The following AIM2 variants were observed in gnomAD, a reference collection of about 807,000 sequenced individuals.
AIM2 encodes the protein interferon-inducible protein AIM2.
A neutral mutation model predicts 27.7 loss-of-function variants in AIM2; 30 were observed. The ratio of observed to expected loss-of-function variants is 1.08; its 90% CI spans 0.81 to 1.47. The LOEUF (loss-of-function observed/expected upper bound fraction) is 1.47. Among genes scored for constraint, AIM2 ranks in the 40% most tolerant of loss-of-function variants. AIM2 has a pLI of 0.00. For missense variants in AIM2, 358 were observed against 411.3 expected, an observed-to-expected ratio of 0.87 and a Z score of 1.12; for synonymous variants, 141 against 145.3, an observed-to-expected ratio of 0.97 and a Z score of 0.21.
downstream of AIM2, among the ~76,000 whole-genome samples, chr1:159,062,147 T>C (rs183619625): frequency 2.2e-4 from 34 of 152,346 alleles, no homozygotes; most frequent in East Asian, 6.0e-3. Flanking sequence ...GTTTTGGCTC[T>C]CTAGTTTTCC....
At chr1:159,097,567 A>G (rs1179898442) in intron 1 of AIM2, among the ~76,000 whole-genome samples, 11 of 152,190 alleles carry the variant, frequency 7.2e-5, no homozygotes. Flanking sequence ...TCCAAGTGAG[A>G]ATGGATTTTG....
chr1:159,143,476 T>TG (rs1312871422), upstream of AIM2, among the ~76,000 whole-genome samples: 4 of 151,998 alleles, frequency 2.6e-5, no homozygotes, highest in Admixed American at 6.6e-5. Flanking sequence ...GGGGACTATA[T>TG]GGTTGTAAAG....
At position 159,103,768 on chromosome 1, in the gene AIM2, C is replaced by T. The variant is rs140531430; in HGVS notation, c.-16+36663G>A. On this transcript the variant is annotated intron_variant, in intron 1 of 2. Coordinates refer to the AIM2 transcript ENST00000368129. Reference sequence around the variant, plus strand: ...CTCACTTTCACTTCCATAGCCTTCCCGAATAACAAATCTGCAGTAGCAAAT... The same window carrying T: ...CTCACTTTCACTTCCATAGCCTTCCTGAATAACAAATCTGCAGTAGCAAAT... 1.1e-4 allele frequency among the ~76,000 whole-genome samples: 16 copies of T among 152,278 alleles called. No individual in the cohort carries two copies. In the East Asian group the frequency reaches 2.1e-3, roughly 20 times the overall value.
In AIM2 at chr1:159,124,394, C is replaced by T. The variant is rs192611079; in HGVS notation, c.-16+16037G>A. ...GACAGAGACAGAAGGACCCAGAAAA[C>T]CTAAAATATTGTTCTCTGGCCCTTT... On this transcript the variant is annotated intron_variant, in intron 1 of 2. Transcript: ENST00000368129. Among the ~76,000 whole-genome samples the T allele has an allele frequency of 1.3e-4, 20 of 152,210 alleles. No individual in the cohort carries two copies. The East Asian group carries it at 3.7e-3, about 28-fold the overall frequency.
At chr1:159,121,609 T>C (rs2102040274) in intron 1 of AIM2, among the ~76,000 whole-genome samples, 1 of 152,324 alleles carries the variant, frequency 6.6e-6, no homozygotes, top group African/African-American at 2.4e-5. Context: ...GCACATAGCT[T>C]GGTTTTAGGT....
the AIM2 span, among the ~76,000 whole-genome samples, chr1:159,055,634 A>T: frequency 6.6e-6 from 1 of 152,232 alleles, no homozygotes; most frequent in African/African-American, 2.4e-5. Flanking sequence ...CTCGCAATCC[A>T]CTATAGTGAT....
At chr1:159,128,539 A>G (rs1294589558) in intron 1 of AIM2, among the ~76,000 whole-genome samples, 1 of 152,166 alleles carries the variant, frequency 6.6e-6, no homozygotes, top group African/African-American at 2.4e-5. Context: ...TGACCAAGCC[A>G]GTAGTCCTCT....
intron 1 of AIM2, among the ~76,000 whole-genome samples, chr1:159,126,298 T>C (rs1647684260): frequency 6.6e-6 from 1 of 152,158 alleles, no homozygotes; most frequent in Non-Finnish European, 1.5e-5. Context: ...AGGTAATATC[T>C]CTTCCTCCAG....
chr1:159,073,874 A>C (rs1190238045), intron 1 of AIM2, among the ~76,000 whole-genome samples: 2 of 152,278 alleles, frequency 1.3e-5, no homozygotes, highest in Middle Eastern at 3.4e-3. Context: ...CCCCATCTCT[A>C]CTAAAAGTAC....
intron 1 of AIM2, among the ~76,000 whole-genome samples, chr1:159,102,137 C>G (rs1657326165): frequency 6.6e-6 from 1 of 152,212 alleles, no homozygotes. Context: ...GCACTGCATC[C>G]CAGCTGCTTC....
At chr1:159,133,946 C>T (rs1647961110) in intron 1 of AIM2, among the ~76,000 whole-genome samples, 1 of 152,160 alleles carries the variant, frequency 6.6e-6, no homozygotes, top group Non-Finnish European at 1.5e-5. Flanking sequence ...TGACTCTCAC[C>T]TTCATACGTG....
downstream of AIM2, among the ~76,000 whole-genome samples, chr1:159,059,840 A>G (rs1359975938): frequency 6.6e-6 from 1 of 152,166 alleles, no homozygotes; most frequent in African/African-American, 2.4e-5. Context: ...TTTTCACTTC[A>G]ATAGCTTCAT....
chr1:159,116,275 C>A (rs1237303402), intron 1 of AIM2, among the ~76,000 whole-genome samples: 2 of 152,052 alleles, frequency 1.3e-5, no homozygotes, highest in South Asian at 2.1e-4. Flanking sequence ...GTCAGTGTGG[C>A]GATTCCTCAG....
At chr1:159,063,104 A>G (rs1270163948) in intron 5 of AIM2, among the ~76,000 whole-genome samples, 1 of 152,224 alleles carries the variant, frequency 6.6e-6, no homozygotes, top group Non-Finnish European at 1.5e-5. Flanking sequence ...TGGTAGGTGC[A>G]GACGTGGTGG....
chr1:159,109,863 C>T (rs1232370615), intron 1 of AIM2, among the ~76,000 whole-genome samples: 1 of 152,114 alleles, frequency 6.6e-6, no homozygotes, highest in Non-Finnish European at 1.5e-5. Context: ...TGTGACATCA[C>T]CTTACTCCTG....
intron 1 of AIM2, among the ~76,000 whole-genome samples, chr1:159,092,627 T>C (rs952864488): frequency 1.3e-5 from 2 of 152,162 alleles, no homozygotes; most frequent in Non-Finnish European, 2.9e-5. Flanking sequence ...ACTCTGGGAA[T>C]AGGAACAATT....
At chr1:159,104,685 CTTCG>C (rs926760458) in intron 1 of AIM2, among the ~76,000 whole-genome samples, 65 of 152,162 alleles carry the variant, frequency 4.3e-4, no homozygotes, top group African/African-American at 1.2e-3. Flanking sequence ...ATTAAATTGA[CTTCG>C]TTCGTCTCTT....
In AIM2 at chr1:159,125,583, T is replaced by C. The variant is rs545939271; in HGVS notation, c.-16+14848A>G. On this transcript the variant is annotated intron_variant, in intron 1 of 2. Coordinates refer to the AIM2 transcript ENST00000368129. ...GAGAGAACAGATGAATTTAGACAGATGTGGCTTTGACTGTCAAATCTGCTA... is the reference window on the plus strand; with the variant it reads ...GAGAGAACAGATGAATTTAGACAGACGTGGCTTTGACTGTCAAATCTGCTA... Among the ~76,000 whole-genome samples, 11 of 152,326 alleles carry C rather than the reference T, an allele frequency of 7.2e-5. No homozygotes were observed. In the South Asian group the frequency reaches 2.3e-3, roughly 32 times the overall value.
intron 1 of AIM2, among the ~76,000 whole-genome samples, chr1:159,146,127 T>G (rs1195743448): frequency 2.6e-5 from 4 of 151,720 alleles, no homozygotes; most frequent in Non-Finnish European, 5.9e-5. Flanking sequence ...AAAAAAGAAT[T>G]CTAGAGAGTG....
Sources: allele counts gnomAD v4.1 joint callset (sites outside exome capture counted in the v4.1 genomes callset), GRCh38; gene constraint gnomAD v4.1.1; transcripts MANE v1.5; gene names NCBI Gene and HGNC (gene_info 2026-07-23, HGNC 2026-07-21).